Variants in DOP1B observed in about 807,000 individuals in gnomAD.
DOP1B encodes protein DOP1B.
Under a neutral mutation model 233.5 loss-of-function variants are expected in DOP1B, and 174 were observed. That is an observed-to-expected ratio of 0.75 (90% confidence interval 0.66 to 0.85). The LOEUF (loss-of-function observed/expected upper bound fraction) is 0.85. DOP1B is among the 40% of genes least tolerant of loss of function. The pLI is 0.00. For synonymous variants in DOP1B, 1,190 were observed against 1,185.6 expected (o/e 1.00, Z -0.08); for missense variants, 2,652 against 2,846.6 (o/e 0.93, Z 1.56).
At chr21:36,225,812 G>GATAT (rs1299849161) in intron 12 of DOP1B, 145 bp downstream of exon 12, 2 of 847,814 alleles carry the variant, frequency 2.4e-6, no homozygotes, top group Non-Finnish European at 3.6e-6. Context: ...TGGCATAAAA[G>GATAT]ATATAGCTGG....
chr21:36,162,167 G>C (rs1240121743), intron 1 of DOP1B, among the ~76,000 whole-genome samples: 1 of 152,230 alleles, frequency 6.6e-6, no homozygotes, highest in East Asian at 1.9e-4. Context: ...ACAGTGGAAA[G>C]AACAGCCAGG....
chr21:36,251,741 A>G (rs1208487498), intron 22 of DOP1B, among the ~76,000 whole-genome samples: 2 of 152,204 alleles, frequency 1.3e-5, no homozygotes, highest in African/African-American at 4.8e-5. Flanking sequence ...TTTGAAATGC[A>G]TGAGATAATA....
intron 26 of DOP1B, among the ~76,000 whole-genome samples, chr21:36,267,540 C>T (rs901514951): frequency 2.0e-5 from 3 of 151,566 alleles, no homozygotes; most frequent in African/African-American, 4.9e-5. Flanking sequence ...AAAAATTATC[C>T]AGATGTGGTG....
At chr21:36,198,806 C>A (rs1312588123) in intron 2 of DOP1B, among the ~76,000 whole-genome samples, 2 of 152,244 alleles carry the variant, frequency 1.3e-5, no homozygotes, top group African/African-American at 2.4e-5. Context: ...GAGAAGCACA[C>A]GGCCCTCACC....
chr21:36,289,316 G>A (rs2067528414), intron 35 of DOP1B, 110 bp downstream of exon 35: 3 of 1,163,750 alleles, frequency 2.6e-6, no homozygotes, highest in South Asian at 2.8e-5. Context: ...CACCATCTGG[G>A]TTTCTAGTGA....
At chr21:36,160,477 CTTTTTTTT>C (rs5843748) in intron 1 of DOP1B, among the ~76,000 whole-genome samples, 2 of 122,802 alleles carry the variant, frequency 1.6e-5, no homozygotes, top group Admixed American at 8.5e-5. Context: ...TTTAAGTTTT[CTTTTTTTT>C]TTTTTTTTTT....
In DOP1B at chr21:36,238,606, A is replaced by G. The variant is rs760947080; in HGVS notation, c.2781A>G (p.Thr927=). The G allele has an allele frequency of 3.1e-6, 5 of 1,614,236 alleles. No individual in the cohort carries two copies. In the South Asian group the frequency reaches 5.5e-5, roughly 18 times the overall value. Residue 927 remains threonine (T), a synonymous_variant, in exon 17 of 37, where the codon ACA becomes ACG. Coordinates refer to ENST00000691173, the MANE Select transcript of DOP1B (RefSeq NM_001320714.2). ...CHALLDPDKG[T]RLEALFRFSV... The stretch of plus-strand genomic sequence containing the variant: ...CCATGTATCTCCTCATCAAGGGAAC[A>G]AGGCTGGAAGCTCTGTTTAGATTTT...
rs574577611 is a variant in DOP1B, at chr21:36,178,959, TCTCC to T, written c.138+14099_138+14102del. On this transcript the variant is annotated intron_variant, in intron 2 of 36. Coordinates refer to ENST00000691173, the MANE Select transcript of DOP1B (RefSeq NM_001320714.2). ...GAAGTTTCCTCCTGTCCTTTTGTCG[TCTCC>T]CTCCCTCCCTTGTCCCCAGACAACC... Among the ~76,000 whole-genome samples the T allele has an allele frequency of 2.0e-5, 3 of 152,302 alleles. No individual in the cohort carries two copies. The East Asian group carries it at 5.8e-4, about 29-fold the overall frequency.
chr21:36,211,370 T>C (rs2066496098), intron 5 of DOP1B, among the ~76,000 whole-genome samples, 183 bp from the exon 6 acceptor site: 1 of 152,196 alleles, frequency 6.6e-6, no homozygotes, highest in Admixed American at 6.5e-5. Flanking sequence ...GCTGAACGTC[T>C]TCTCCGATGT....
At chr21:36,183,281 T>C (rs1400569028) in intron 2 of DOP1B, among the ~76,000 whole-genome samples, 1 of 152,164 alleles carries the variant, frequency 6.6e-6, no homozygotes, top group East Asian at 1.9e-4. Context: ...CAGCCAGAAA[T>C]GTTTCCACAC....
chr21:36,167,717 C>G (rs1341677887), intron 2 of DOP1B, among the ~76,000 whole-genome samples: 3 of 151,876 alleles, frequency 2.0e-5, no homozygotes, highest in South Asian at 2.1e-4. Flanking sequence ...CCTCCCTCCC[C>G]CCAGCCCCGG....
At chr21:36,277,857 G>A (rs150623186) in intron 28 of DOP1B, 118 bp from the exon 29 acceptor site, 103,969 of 760,282 alleles carry the variant, frequency 0.14, 7,883 homozygotes, top group South Asian at 0.25. Context: ...GGCCAGACTG[G>A]TCTCAAACTC....
At chr21:36,237,643 A>C (rs1490706115) in intron 16 of DOP1B, among the ~76,000 whole-genome samples, 2 of 152,216 alleles carry the variant, frequency 1.3e-5, no homozygotes, top group Non-Finnish European at 2.9e-5. Flanking sequence ...ATTGAGGCTC[A>C]CCAGGGAAAC....
At chr21:36,183,750 C>T (rs760249889) in intron 2 of DOP1B, among the ~76,000 whole-genome samples, 1 of 152,164 alleles carries the variant, frequency 6.6e-6, no homozygotes, top group Non-Finnish European at 1.5e-5. Flanking sequence ...TCTGAGTGCC[C>T]GGGACAGAGT....
At chr21:36,211,318 T>G (rs1390091706) in intron 5 of DOP1B, among the ~76,000 whole-genome samples, 1 of 152,182 alleles carries the variant, frequency 6.6e-6, no homozygotes, top group Non-Finnish European at 1.5e-5. Context: ...GGCCATCTGG[T>G]CCAAACCCCT....
At chr21:36,200,538 C>T in intron 4 of DOP1B, 37 bp downstream of exon 4, 2 of 1,562,290 alleles carry the variant, frequency 1.3e-6, no homozygotes, top group South Asian at 2.4e-5. Flanking sequence ...GTTTACTCCA[C>T]TGCTTTATAA....
intron 9 of DOP1B, among the ~76,000 whole-genome samples, 162 bp downstream of exon 9, chr21:36,214,718 CTGTGGTCACT>C (rs2066540712): frequency 6.6e-6 from 1 of 152,152 alleles, no homozygotes; most frequent in African/African-American, 2.4e-5. Context: ...ATGATCATAT[CTGTGGTCACT>C]TACAAGTTTT....
intron 12 of DOP1B, among the ~76,000 whole-genome samples, chr21:36,227,439 C>T (rs894902665): frequency 6.8e-4 from 103 of 150,860 alleles, no homozygotes; most frequent in Middle Eastern, 3.4e-3. Flanking sequence ...CCCAGCTGCT[C>T]GGGAGGCTGA....
At chr21:36,174,597 T>A (rs1477519990) in intron 2 of DOP1B, among the ~76,000 whole-genome samples, 1 of 152,230 alleles carries the variant, frequency 6.6e-6, no homozygotes, top group East Asian at 1.9e-4. Context: ...CTCTGCCTCC[T>A]GGGCTCAGGC....
Sources: gnomAD v4.1 joint callset for allele counts (sites outside exome capture counted in the v4.1 genomes callset) on GRCh38, gnomAD v4.1.1 for gene constraint, MANE v1.5 for transcripts, NCBI Gene and HGNC (gene_info 2026-07-23, HGNC 2026-07-21) for gene names.